The following MTUS1 variants were observed in gnomAD, a reference collection of about 807,000 sequenced individuals.
The protein encoded by MTUS1 is microtubule-associated tumor suppressor 1.
Under a neutral mutation model 120.8 loss-of-function variants are expected in MTUS1, and 109 were observed. That is an observed-to-expected ratio of 0.90 (90% CI 0.77 to 1.06). The LOEUF is 1.06. Among genes scored for constraint, MTUS1 ranks in the 50% least tolerant of loss-of-function variants. The pLI is 0.00. For synonymous variants in MTUS1, 737 were observed against 550.5 expected, an observed-to-expected ratio of 1.34 and a Z score of -4.74; for missense variants, 2,210 against 1,486.3, an observed-to-expected ratio of 1.49 and a Z score of -8.01.
Position 17,650,113 on chromosome 8 carries a change from A to T in MTUS1, c.3385-151T>A, listed in dbSNP as rs976420626. 31 of 668,136 alleles carry T rather than the reference A, an allele frequency of 4.6e-5. No individual in the cohort carries two copies. The South Asian group carries it at 5.3e-4, about 11-fold the overall frequency. 41.4% of individuals were successfully genotyped at this position (668,136 alleles called of 1,614,324 possible). A position where few individuals can be genotyped will look rare whatever the true frequency, so the allele number is the denominator to read the frequency against. ...ATTTCAAAGAAAGAGGTGAAAAACA[A>T]GAGCACCTTAATGTCGAAGACTGGT... is the stretch of plus-strand genomic sequence containing the variant. On this transcript the variant is annotated intron_variant, in intron 12 of 14. Coordinates refer to ENST00000693296, the MANE Select transcript of MTUS1 (RefSeq NM_001363059.2).
At chr8:17,797,899 A>G (rs758952481) in intron 1 of MTUS1, among the ~76,000 whole-genome samples, 1 of 152,212 alleles carries the variant, frequency 6.6e-6, no homozygotes, top group Non-Finnish European at 1.5e-5. Context: ...GAAAGAACCC[A>G]ACTTTGAGAT....
At chr8:17,673,645 G>C (rs1411437218) in intron 8 of MTUS1, among the ~76,000 whole-genome samples, 2 of 152,084 alleles carry the variant, frequency 1.3e-5, no homozygotes, top group African/African-American at 4.8e-5. Context: ...TGTAGAGTCA[G>C]GGTCTTGCTA....
intron 1 of MTUS1, among the ~76,000 whole-genome samples, chr8:17,771,183 A>G (rs772848363): frequency 3.9e-5 from 6 of 152,300 alleles, no homozygotes; most frequent in Non-Finnish European, 8.8e-5. Context: ...AAAATTATCA[A>G]GTTAATAATA....
At chr8:17,794,008 T>C (rs566724565) in intron 1 of MTUS1, among the ~76,000 whole-genome samples, 3 of 152,226 alleles carry the variant, frequency 2.0e-5, no homozygotes, top group Admixed American at 2.0e-4. Flanking sequence ...CCATAGAAAG[T>C]GCTCAAAAAT....
intron 1 of MTUS1, among the ~76,000 whole-genome samples, chr8:17,799,579 C>T (rs7012198): frequency 3.9e-5 from 6 of 152,040 alleles, no homozygotes; most frequent in Non-Finnish European, 8.8e-5. Context: ...TATTAAGTAA[C>T]AGGCTTTTTA....
chr8:17,756,404 C>A (rs925934902), intron 1 of MTUS1, among the ~76,000 whole-genome samples: 1 of 152,058 alleles, frequency 6.6e-6, no homozygotes, highest in South Asian at 2.1e-4. Context: ...CTCAGAAGGG[C>A]CCCCCTATTA....
At chr8:17,765,997 T>C (rs950402901) in intron 1 of MTUS1, among the ~76,000 whole-genome samples, 13 of 152,164 alleles carry the variant, frequency 8.5e-5, no homozygotes, top group African/African-American at 2.9e-4. Context: ...ATACTTTACA[T>C]ACTATAAATT....
intron 6 of MTUS1, among the ~76,000 whole-genome samples, chr8:17,685,965 ATTAG>A (rs1355665394): frequency 6.6e-6 from 1 of 152,256 alleles, no homozygotes; most frequent in Non-Finnish European, 1.5e-5. Context: ...AGAACAAATT[ATTAG>A]TTACATACTA....
intron 3 of MTUS1, among the ~76,000 whole-genome samples, chr8:17,739,494 CATAAATAA>C (rs112250178): frequency 6.6e-5 from 10 of 151,814 alleles, no homozygotes; most frequent in African/African-American, 9.7e-5. Flanking sequence ...AACTCCATCT[CATAAATAA>C]ATAAATAAAT....
chr8:17,722,248 G>A, intron 4 of MTUS1: 1 of 994,692 alleles, frequency 1.0e-6, no homozygotes, highest in Non-Finnish European at 1.2e-6. Context: ...CAACATGGAT[G>A]TCGATGGAAA....
chr8:17,714,383 A>G (rs1181035796), intron 5 of MTUS1, among the ~76,000 whole-genome samples: 1 of 152,226 alleles, frequency 6.6e-6, no homozygotes, highest in African/African-American at 2.4e-5. Flanking sequence ...CACCTCTGAG[A>G]AAGTTACTAA....
At chr8:17,732,939 T>C (rs1435233866) in intron 3 of MTUS1, among the ~76,000 whole-genome samples, 3 of 152,122 alleles carry the variant, frequency 2.0e-5, no homozygotes, top group Non-Finnish European at 2.9e-5. Flanking sequence ...CAAGCTGATC[T>C]CCCTGTTCCT....
chr8:17,660,701 T>C (rs1012937362), intron 8 of MTUS1, among the ~76,000 whole-genome samples: 1 of 152,226 alleles, frequency 6.6e-6, no homozygotes, highest in African/African-American at 2.4e-5. Flanking sequence ...CAGAACCTAT[T>C]TGATTTTTTC....
chr8:17,707,533 A>G (rs528779385), intron 6 of MTUS1, among the ~76,000 whole-genome samples: 2 of 152,338 alleles, frequency 1.3e-5, no homozygotes, highest in African/African-American at 4.8e-5. Context: ...AATACATTCT[A>G]TATATACAGA....
At chr8:17,697,920 C>A (rs988692007) in intron 6 of MTUS1, among the ~76,000 whole-genome samples, 3 of 152,160 alleles carry the variant, frequency 2.0e-5, no homozygotes, top group African/African-American at 7.2e-5. Flanking sequence ...ACAATGATAA[C>A]ATGAGCATTT....
intron 4 of MTUS1, among the ~76,000 whole-genome samples, chr8:17,718,900 T>G (rs1428031088): frequency 1.3e-5 from 2 of 151,870 alleles, no homozygotes; most frequent in African/African-American, 2.4e-5. Flanking sequence ...CTGGGCACAG[T>G]GGCTCACAAC....
chr8:17,645,796 G>A lies in MTUS1; in HGVS notation c.*130C>T. The A allele has an allele frequency of 8.1e-7, 1 of 1,231,614 alleles. No homozygotes were observed. Among genetic ancestry groups the A allele is most frequent in the Non-Finnish European group, 1.1e-6 (1 of 935,352 alleles). 76.3% of individuals were successfully genotyped at this position (1,231,614 alleles called of 1,614,324 possible). ...CAGAAGCTGCGATTCCGCCGGTGGT[G>A]ACGCTCCAGTTACCCTACGGTGATC... On this transcript the variant is annotated 3_prime_UTR_variant, in exon 15 of 15. Transcript: ENST00000693296.
At chr8:17,724,507 C>T (rs1395106900) in intron 3 of MTUS1, among the ~76,000 whole-genome samples, 1 of 151,570 alleles carries the variant, frequency 6.6e-6, no homozygotes, top group Non-Finnish European at 1.5e-5. Flanking sequence ...TTTAATCTCA[C>T]CTTTTCTTCT....
chr8:17,672,325 C>T (rs529640343), intron 8 of MTUS1, among the ~76,000 whole-genome samples: 1 of 151,278 alleles, frequency 6.6e-6, no homozygotes, highest in Admixed American at 6.6e-5. Context: ...AATCCTCACA[C>T]CCACCCTTGG....
Sources: allele counts gnomAD v4.1 joint callset (sites outside exome capture counted in the v4.1 genomes callset), GRCh38; gene constraint gnomAD v4.1.1; transcripts MANE v1.5; gene names NCBI Gene and HGNC (gene_info 2026-07-23, HGNC 2026-07-21).